The following EFHD1 variants were observed in gnomAD, a reference collection of about 807,000 sequenced individuals.
EFHD1 encodes the protein EF-hand domain family member D1, also known as EF-hand domain-containing protein D1.
EFHD1 carries 10 observed loss-of-function variants against 17.2 expected under a neutral mutation model. The ratio of observed to expected loss-of-function variants is 0.58; its 90% confidence interval spans 0.36 to 0.99. The LOEUF (loss-of-function observed/expected upper bound fraction) is 0.99, where lower values mean the gene tolerates loss of function less well. EFHD1 is among the 50% of genes least tolerant of loss of function. The probability of loss-of-function intolerance (pLI) is 0.01; values close to 1 mark genes in which losing one functional copy is unlikely to be tolerated. For missense variants in EFHD1, 310 were observed against 327.5 expected, an observed-to-expected ratio of 0.95 and a Z score of 0.41; for synonymous variants, 153 against 142.0, an observed-to-expected ratio of 1.08 and a Z score of -0.55.
At chr2:232,614,550 C>G (rs892442797) in intron 1 of EFHD1, among the ~76,000 whole-genome samples, 10 of 152,194 alleles carry the variant, frequency 6.6e-5, no homozygotes, top group Non-Finnish European at 1.2e-4. Context: ...GTGTAGTACA[C>G]GGAACCCACC....
chr2:232,613,657 CAAAT>C (rs1484053395), intron 1 of EFHD1, among the ~76,000 whole-genome samples: 1 of 131,022 alleles, frequency 7.6e-6, no homozygotes, highest in African/African-American at 3.2e-5. Context: ...CACACACACA[CAAAT>C]ACACACACAC....
At chr2:232,650,720 C>T (rs1694635552) in intron 1 of EFHD1, among the ~76,000 whole-genome samples, 2 of 151,172 alleles carry the variant, frequency 1.3e-5, no homozygotes, top group African/African-American at 4.9e-5. Flanking sequence ...AGGTGCTCAC[C>T]ACTATGCCTG....
chr2:232,634,011 G>A lies in EFHD1; in HGVS notation c.302+5G>A. ...CCTGGAGAGCATGTTCAAACTGTGA[G>A]CTCCCGCTGCGCGCCCTTCGCCCCC... is the stretch of plus-strand genomic sequence containing the variant. On this transcript the variant is annotated splice_donor_5th_base_variant and intron_variant, in intron 1 of 3. Transcript: ENST00000264059. 1 of 1,597,130 alleles carries A rather than the reference G, an allele frequency of 6.3e-7. No individual in the cohort carries two copies. The highest frequency in any genetic ancestry group is 8.5e-7 in the Non-Finnish European group (1 of 1,179,254).
rs767900214 is a variant in EFHD1, at chr2:232,662,878, A to C, written c.379A>C (p.Thr127Pro). 6.3e-7 allele frequency: 1 copy of C among 1,595,802 alleles called. No individual in the cohort carries two copies. The highest frequency in any genetic ancestry group is 8.5e-7 in the Non-Finnish European group (1 of 1,172,764). The part of the protein sequence containing the change: ...LMMEKLGAPQ[T>P]HLGLKSMIKE... ...GATGGAGAAGCTGGGGGCCCCCCAG[A>C]CCCACCTGGGCCTGAAGAGCATGAT... Residue 127 changes from threonine (T) to proline (P), a missense_variant, in exon 2 of 4, where the codon ACC becomes CCC. Coordinates refer to ENST00000264059, the MANE Select transcript of EFHD1 (RefSeq NM_025202.4).
intron 1 of EFHD1, among the ~76,000 whole-genome samples, chr2:232,628,498 G>A (rs976250662): frequency 1.3e-5 from 2 of 152,242 alleles, no homozygotes; most frequent in African/African-American, 2.4e-5. Context: ...CTCTAGGGAT[G>A]AAAGCAGCCC....
chr2:232,621,948 C>T (rs1182835229), intron 1 of EFHD1, among the ~76,000 whole-genome samples: 1 of 152,220 alleles, frequency 6.6e-6, no homozygotes, highest in African/African-American at 2.4e-5. Flanking sequence ...ATTACCAGAA[C>T]TCAAAAGGTT....
At chr2:232,679,752 GATAATATAATAACTGA>G (rs1695242184) in intron 3 of EFHD1, among the ~76,000 whole-genome samples, 1 of 146,542 alleles carries the variant, frequency 6.8e-6, no homozygotes, top group South Asian at 2.1e-4. Flanking sequence ...CAAATTTAAA[GATAATATAATAACTGA>G]ATAGAAACGT....
intron 1 of EFHD1, among the ~76,000 whole-genome samples, chr2:232,613,249 T>C (rs1693841435): frequency 2.0e-5 from 3 of 151,512 alleles, no homozygotes. Context: ...TATGGTGAAA[T>C]CCTGTCTCTA....
chr2:232,664,507 C>T (rs994389488), intron 2 of EFHD1, among the ~76,000 whole-genome samples: 4 of 151,830 alleles, frequency 2.6e-5, no homozygotes, highest in African/African-American at 9.7e-5. Context: ...CTTTGTTGCC[C>T]AGGCTGGTCT....
chr2:232,631,699 A>AAC (rs1280966290), upstream of EFHD1, among the ~76,000 whole-genome samples: 2 of 140,408 alleles, frequency 1.4e-5, no homozygotes, highest in Non-Finnish European at 3.0e-5. Flanking sequence ...ATTAAAAAAA[A>AAC]AAAAAAACAA....
At chr2:232,648,688 G>C (rs1200988853) in intron 1 of EFHD1, among the ~76,000 whole-genome samples, 1 of 151,996 alleles carries the variant, frequency 6.6e-6, no homozygotes, top group Non-Finnish European at 1.5e-5. Flanking sequence ...CTGTGGTGTG[G>C]GGGGCTTGTG....
At chr2:232,675,468 G>A (rs1036042436) in intron 3 of EFHD1, among the ~76,000 whole-genome samples, 4 of 152,084 alleles carry the variant, frequency 2.6e-5, no homozygotes, top group East Asian at 1.9e-4. Flanking sequence ...GCCTTCCCCC[G>A]ACTGCTGAGT....
chr2:232,651,521 G>A (rs942633892), intron 1 of EFHD1, among the ~76,000 whole-genome samples: 1 of 152,196 alleles, frequency 6.6e-6, no homozygotes, highest in Non-Finnish European at 1.5e-5. Context: ...CCCTTCCCCC[G>A]GTGTGTTTGG....
chr2:232,670,550 T>A (rs1221243331), intron 2 of EFHD1, among the ~76,000 whole-genome samples: 1 of 152,062 alleles, frequency 6.6e-6, no homozygotes, highest in East Asian at 1.9e-4. Context: ...GGTGGATTAT[T>A]CAACAAATGA....
At chr2:232,624,765 A>G (rs752729976) in intron 1 of EFHD1, among the ~76,000 whole-genome samples, 118 of 152,320 alleles carry the variant, frequency 7.7e-4, no homozygotes, top group Non-Finnish European at 1.2e-3. Flanking sequence ...ATCTATAGGG[A>G]AAGAATTAGA....
At chr2:232,630,008 G>T (rs912822075), upstream of EFHD1, among the ~76,000 whole-genome samples, 1 of 152,070 alleles carries the variant, frequency 6.6e-6, no homozygotes, top group Admixed American at 6.5e-5. Context: ...GGAGTGCAAT[G>T]GCTCGATCTT....
At chr2:232,659,141 A>G (rs1694813945) in intron 1 of EFHD1, among the ~76,000 whole-genome samples, 1 of 151,838 alleles carries the variant, frequency 6.6e-6, no homozygotes, top group South Asian at 2.1e-4. Flanking sequence ...CTCATCCTTC[A>G]CGGTTCCTCA....
intron 2 of EFHD1, among the ~76,000 whole-genome samples, chr2:232,670,067 T>C (rs561013566): frequency 1.3e-5 from 2 of 152,282 alleles, no homozygotes; most frequent in South Asian, 4.1e-4. Flanking sequence ...AAATAAGTCA[T>C]GAAGCTTAGA....
intron 1 of EFHD1, among the ~76,000 whole-genome samples, chr2:232,613,365 A>G (rs955339797): frequency 6.6e-6 from 1 of 152,080 alleles, no homozygotes; most frequent in African/African-American, 2.4e-5. Context: ...CAGAGGTTGC[A>G]GTGAGCCGAG....
Sources: gnomAD v4.1 joint callset for allele counts (sites outside exome capture counted in the v4.1 genomes callset) on GRCh38, gnomAD v4.1.1 for gene constraint, MANE v1.5 for transcripts, NCBI Gene and HGNC (gene_info 2026-07-23, HGNC 2026-07-21) for gene names.